Variants in AFF1 observed in about 807,000 individuals in gnomAD.
AFF1 encodes ALF transcription elongation factor 1.
AFF1 carries 48 observed loss-of-function variants against 121.7 expected under a neutral mutation model. The observed-to-expected ratio is 0.39, with a 90% CI of 0.31 to 0.50. The LOEUF is 0.50. Ranked by LOEUF, AFF1 falls within the 20% of genes least tolerant of loss-of-function variation. The pLI is 0.76. For missense variants in AFF1, 1,523 were observed against 1,511.7 expected, an observed-to-expected ratio of 1.01 and a Z score of -0.12; for synonymous variants, 613 against 563.0, an observed-to-expected ratio of 1.09 and a Z score of -1.26.
intron 12 of AFF1, among the ~76,000 whole-genome samples, chr4:87,118,524 T>G (rs1011541213): frequency 6.6e-6 from 1 of 152,256 alleles, no homozygotes; most frequent in Non-Finnish European, 1.5e-5. Context: ...GTTAATTACT[T>G]ATTTTTTAGA....
rs61608388 is a variant in AFF1, at chr4:87,026,079, T to TTTTTG, written c.39-20087_39-20086insTTTTG. On this transcript the variant is annotated intron_variant, in intron 2 of 20. Coordinates refer to ENST00000395146, the MANE Select transcript of AFF1 (RefSeq NM_001166693.3). ...GACCATGCTTTTTTTTTTTTTTTTT[T>TTTTTG]GCGTGGTGGTGCATGCCTGTAAGGC... is the stretch of plus-strand genomic sequence containing the variant. Among the ~76,000 whole-genome samples, 2 of 150,196 alleles carry TTTTTG rather than the reference T, an allele frequency of 1.3e-5. 1 individual carries two copies. The highest frequency in any genetic ancestry group is 4.9e-5 in the African/African-American group (2 of 40,970).
chr4:86,992,090 T>C (rs1194335288), intron 2 of AFF1, among the ~76,000 whole-genome samples: 5 of 152,128 alleles, frequency 3.3e-5, no homozygotes, highest in African/African-American at 1.2e-4. Context: ...TAAAAAGTCA[T>C]AGGATTCTAT....
At chr4:87,057,523 T>G (rs1720275320) in intron 4 of AFF1, among the ~76,000 whole-genome samples, 1 of 152,064 alleles carries the variant, frequency 6.6e-6, no homozygotes, top group Admixed American at 6.5e-5. Flanking sequence ...GCCTTGTGCA[T>G]AGTATGAGTT....
chr4:87,135,713 G>A lies in AFF1; in HGVS notation c.*12G>A, dbSNP rs373471367. On this transcript the variant is annotated 3_prime_UTR_variant, in exon 21 of 21. Coordinates refer to ENST00000395146, the MANE Select transcript of AFF1 (RefSeq NM_001166693.3). Reference sequence around the variant, plus strand: ...CCAAAACACCTTAATGGAGCCCCAGGTTGATTCAATGCCTTGGGAACTATT... The same window carrying A: ...CCAAAACACCTTAATGGAGCCCCAGATTGATTCAATGCCTTGGGAACTATT... 52 of 1,607,650 alleles carry A rather than the reference G, an allele frequency of 3.2e-5. No individual in the cohort carries two copies. Among genetic ancestry groups the A allele is most frequent in the Non-Finnish European group, 4.3e-5 (51 of 1,177,116 alleles).
chr4:87,132,947 G>A (rs1164184379), intron 19 of AFF1, among the ~76,000 whole-genome samples: 1 of 152,202 alleles, frequency 6.6e-6, no homozygotes, highest in Non-Finnish European at 1.5e-5. Flanking sequence ...GCCTGCCTTG[G>A]CCTCCCAAAG....
chr4:86,955,797 TG>T (rs570758000), intron 2 of AFF1, among the ~76,000 whole-genome samples: 2 of 152,170 alleles, frequency 1.3e-5, no homozygotes, highest in Non-Finnish European at 2.9e-5. Context: ...TTTCAGTTTT[TG>T]GGAAGATTTG....
chr4:87,117,427 A>G (rs977244247), intron 12 of AFF1, among the ~76,000 whole-genome samples: 1 of 152,162 alleles, frequency 6.6e-6, no homozygotes, highest in Admixed American at 6.5e-5. Flanking sequence ...ACTGGTTCCA[A>G]ACCCCGGCTA....
intron 8 of AFF1, among the ~76,000 whole-genome samples, 169 bp downstream of exon 8, chr4:87,095,138 G>A (rs1462300257): frequency 6.6e-6 from 1 of 152,154 alleles, no homozygotes; most frequent in African/African-American, 2.4e-5. Context: ...GTTTGTTTGA[G>A]ATGGGGTCTT....
In AFF1 at chr4:87,083,486, T is replaced by G. The variant is rs115135646; in HGVS notation, c.1060-634T>G. On this transcript the variant is annotated intron_variant, in intron 4 of 20. Transcript: ENST00000395146. ...AGAGTTATCCTTGATTGGACTTAGC[T>G]CCTTACTTTCGACCCACTAATGTGT... is the stretch of plus-strand genomic sequence containing the variant. Among the ~76,000 whole-genome samples the G allele has an allele frequency of 3.1e-3, 468 of 152,328 alleles. 3 individuals are homozygous for G. The highest frequency in any genetic ancestry group is 0.011 in the African/African-American group (449 of 41,580).
At chr4:87,070,931 G>GT (rs1278815837) in intron 4 of AFF1, among the ~76,000 whole-genome samples, 2 of 152,210 alleles carry the variant, frequency 1.3e-5, no homozygotes, top group Admixed American at 6.5e-5. Flanking sequence ...GACAGGAATT[G>GT]TTTAAGGTTA....
chr4:87,123,581 TA>T (rs1412881141), intron 12 of AFF1, among the ~76,000 whole-genome samples: 1 of 152,206 alleles, frequency 6.6e-6, no homozygotes, highest in Non-Finnish European at 1.5e-5. Flanking sequence ...AGACACTGCA[TA>T]AATGAATAAA....
rs1183991484 is a variant in AFF1 at position 87,088,464 on chromosome 4, C to G, written c.1105-1520C>G. Among the ~76,000 whole-genome samples, 3 of 152,144 alleles carry G rather than the reference C, an allele frequency of 2.0e-5. No homozygotes were observed. In the East Asian group the frequency reaches 5.8e-4, roughly 29 times the overall value. On this transcript the variant is annotated intron_variant, in intron 5 of 20. Transcript: ENST00000395146. ...GCTACAGTGCCATCTCCAGCTGTTG[C>G]AAGGATCAAATGGCATTTTTGTGGA...
intron 1 of AFF1, among the ~76,000 whole-genome samples, chr4:86,942,874 A>G (rs1326905793): frequency 6.6e-6 from 1 of 152,240 alleles, no homozygotes; most frequent in Non-Finnish European, 1.5e-5. Context: ...AGCTAACAGT[A>G]TGCCAAGTAG....
chr4:87,052,230 TAGTG>T (rs1167730190), intron 4 of AFF1, among the ~76,000 whole-genome samples: 2 of 151,950 alleles, frequency 1.3e-5, no homozygotes, highest in Non-Finnish European at 2.9e-5. Context: ...CTGGGCAACA[TAGTG>T]AGATGTTTTA....
intron 12 of AFF1, among the ~76,000 whole-genome samples, chr4:87,123,753 C>G (rs1227193158): frequency 2.0e-5 from 3 of 152,210 alleles, no homozygotes; most frequent in Admixed American, 1.3e-4. Flanking sequence ...GATTTGGAGC[C>G]TACACATCTT....
intron 2 of AFF1, among the ~76,000 whole-genome samples, chr4:87,028,718 C>T (rs1229456015): frequency 1.3e-5 from 2 of 152,180 alleles, no homozygotes; most frequent in East Asian, 1.9e-4. Flanking sequence ...AAAGTGGAGA[C>T]TCATGTCCAT....
intron 4 of AFF1, among the ~76,000 whole-genome samples, chr4:87,083,098 A>G (rs1389372705): frequency 2.0e-5 from 3 of 152,160 alleles, no homozygotes; most frequent in Admixed American, 6.5e-5. Flanking sequence ...ATTGAAAACC[A>G]TATGTTCCAT....
At chr4:87,135,001 G>A (rs966606310) in intron 20 of AFF1, among the ~76,000 whole-genome samples, 7 of 152,212 alleles carry the variant, frequency 4.6e-5, no homozygotes, top group Non-Finnish European at 1.0e-4. Flanking sequence ...CTGAAAGGCA[G>A]GGCAAATGAA....
intron 2 of AFF1, among the ~76,000 whole-genome samples, chr4:86,951,536 T>C (rs1459917615): frequency 6.6e-6 from 1 of 152,020 alleles, no homozygotes; most frequent in Non-Finnish European, 1.5e-5. Flanking sequence ...TTAACTTGAA[T>C]ATATATTGTA....
Sources: gnomAD v4.1 joint callset for allele counts (sites outside exome capture counted in the v4.1 genomes callset) on GRCh38, gnomAD v4.1.1 for gene constraint, MANE v1.5 for transcripts, NCBI Gene and HGNC (gene_info 2026-07-23, HGNC 2026-07-21) for gene names.